Variants in SCIN observed in about 807,000 individuals in gnomAD.
The protein encoded by SCIN is adseverin.
A neutral mutation model predicts 91.8 loss-of-function variants in SCIN; 91 were observed. The observed-to-expected ratio is 0.99, with a 90% CI of 0.84 to 1.18. The LOEUF is 1.18. Among genes scored for constraint, SCIN ranks in the 50% most tolerant of loss-of-function variants. SCIN has a pLI of 0.00. For synonymous variants in SCIN, 367 were observed against 312.6 expected (o/e 1.17, Z -1.84); for missense variants, 1,087 against 863.9 (o/e 1.26, Z -3.24).
rs771279197 is a variant in SCIN, at chr7:12,653,934, T to C, written c.*1219T>C. Reference sequence around the variant, plus strand: ...ATTCTATTCTATTCTATTATTTCATTCTATTTTATTTCCAATATACCATTG... The same window carrying C: ...ATTCTATTCTATTCTATTATTTCATCCTATTTTATTTCCAATATACCATTG... On this transcript the variant is annotated 3_prime_UTR_variant, in exon 16 of 16. Coordinates refer to ENST00000297029, the MANE Select transcript of SCIN (RefSeq NM_001112706.3). The surrounding 1 kb of genome is among the most constrained non-coding windows in gnomAD (Gnocchi z 4.1). 3.9e-5 allele frequency: 6 copies of C among 152,172 alleles called. No homozygotes were observed. The highest frequency in any genetic ancestry group is 8.8e-5 in the Non-Finnish European group (6 of 68,020). The allele number at this position is 152,172 out of a possible 1,614,324, so 9.4% of individuals were successfully genotyped here. A position where few individuals can be genotyped will look rare whatever the true frequency, so the allele number is the denominator to read the frequency against.
chr7:12,582,243 G>A (rs968283865), intron 3 of SCIN, among the ~76,000 whole-genome samples: 3 of 152,090 alleles, frequency 2.0e-5, no homozygotes, highest in Non-Finnish European at 4.4e-5. Flanking sequence ...CATCTACTTG[G>A]GCAGTATTTT....
At chr7:12,571,387 G>C (rs1009474182) in intron 1 of SCIN, 1 of 333,278 alleles carries the variant, frequency 3.0e-6, no homozygotes, top group Non-Finnish European at 5.8e-6. Context: ...TTTCCCTGTC[G>C]GGATGGAGAG....
chr7:12,614,434 C>A (rs1783259087), intron 4 of SCIN, among the ~76,000 whole-genome samples: 1 of 152,124 alleles, frequency 6.6e-6, no homozygotes, highest in Non-Finnish European at 1.5e-5. Context: ...ACTCTTAAAA[C>A]CCTTACTGTG....
At chr7:12,571,978 T>A (rs570480918) in intron 1 of SCIN, among the ~76,000 whole-genome samples, 32 of 152,330 alleles carry the variant, frequency 2.1e-4, no homozygotes, top group Non-Finnish European at 3.5e-4. Context: ...GCCTGCCCAG[T>A]ACTCGTGTTT....
At chr7:12,611,463 C>A (rs1783189770) in intron 4 of SCIN, among the ~76,000 whole-genome samples, 1 of 152,080 alleles carries the variant, frequency 6.6e-6, no homozygotes, top group Non-Finnish European at 1.5e-5. Context: ...ACTAGACTTA[C>A]ATGGGTTTGT....
At chr7:12,622,716 C>T in intron 4 of SCIN, 85 bp from the exon 5 acceptor site, 1 of 896,320 alleles carries the variant, frequency 1.1e-6, no homozygotes, top group Non-Finnish European at 1.8e-6. Flanking sequence ...TTTTATAATC[C>T]ATGTCTTTAT....
At chr7:12,586,086 C>A (rs556971235) in intron 3 of SCIN, among the ~76,000 whole-genome samples, 1 of 152,310 alleles carries the variant, frequency 6.6e-6, no homozygotes, top group African/African-American at 2.4e-5. Context: ...TATCAGCCTT[C>A]CTCACTCACT....
chr7:12,641,685 A>G (rs1035428565), intron 11 of SCIN, among the ~76,000 whole-genome samples: 1 of 152,068 alleles, frequency 6.6e-6, no homozygotes, highest in Non-Finnish European at 1.5e-5. Flanking sequence ...CAGTCATCTA[A>G]TCTCTGACAA....
chr7:12,608,285 G>C (rs1017909749), intron 4 of SCIN, among the ~76,000 whole-genome samples: 3 of 151,284 alleles, frequency 2.0e-5, no homozygotes, highest in African/African-American at 7.3e-5. Context: ...GGTTTCAGAA[G>C]TGTTCCAAAC....
intron 3 of SCIN, among the ~76,000 whole-genome samples, chr7:12,597,938 A>G (rs941170418): frequency 1.3e-4 from 20 of 152,342 alleles, no homozygotes; most frequent in Admixed American, 1.2e-3. Flanking sequence ...CAAATTATTT[A>G]TAAATGGATA....
chr7:12,610,166 G>A (rs556363387), intron 4 of SCIN, among the ~76,000 whole-genome samples: 74 of 152,126 alleles, frequency 4.9e-4, no homozygotes, highest in Non-Finnish European at 2.9e-5. Context: ...AACTCCAAAG[G>A]TTCTCCCAAA....
At chr7:12,638,981 A>G (rs1783805622) in intron 10 of SCIN, among the ~76,000 whole-genome samples, 1 of 152,196 alleles carries the variant, frequency 6.6e-6, no homozygotes, top group African/African-American at 2.4e-5. Context: ...TTAATGAGTT[A>G]CCATGAATTG....
intron 4 of SCIN, among the ~76,000 whole-genome samples, chr7:12,606,710 A>G (rs948413757): frequency 6.6e-5 from 10 of 152,208 alleles, no homozygotes; most frequent in African/African-American, 2.2e-4. Flanking sequence ...TACCAGTATT[A>G]CATCTTGGGA....
intron 4 of SCIN, among the ~76,000 whole-genome samples, chr7:12,619,733 G>C (rs1458745789): frequency 2.0e-5 from 3 of 152,086 alleles, no homozygotes; most frequent in African/African-American, 7.2e-5. Context: ...AAATAAGGCA[G>C]GGTAGATGAC....
At chr7:12,591,345 T>G (rs754246744) in intron 3 of SCIN, among the ~76,000 whole-genome samples, 200 of 152,234 alleles carry the variant, frequency 1.3e-3, no homozygotes, top group Non-Finnish European at 7.2e-4. Context: ...ACGGTGGTAT[T>G]CTGGCTGAAA....
rs1583318211 is a variant in SCIN, at chr7:12,640,316, T to C, written c.1411-31T>C. ...CCTTCTTTCACAGCACTCTTAATTA[T>C]ATTTCTTTTATTCCCCCTCTCCCCC... On this transcript the variant is annotated intron_variant, in intron 10 of 15. Transcript: ENST00000297029. 3 of 1,510,370 alleles carry C rather than the reference T, an allele frequency of 2.0e-6. No homozygotes were observed. In the East Asian group the frequency reaches 7.3e-5, roughly 37 times the overall value. 93.6% of individuals were successfully genotyped at this position (1,510,370 alleles called of 1,614,324 possible). A position where few individuals can be genotyped will look rare whatever the true frequency, so the allele number is the denominator to read the frequency against.
chr7:12,598,993 ATTAAAGTTATTAT>A (rs1197869157), intron 3 of SCIN, among the ~76,000 whole-genome samples: 1 of 152,240 alleles, frequency 6.6e-6, no homozygotes, highest in African/African-American at 2.4e-5. Context: ...GCCATTTACA[ATTAAAGTTATTAT>A]TTTATTAAAT....
chr7:12,594,330 C>T (rs56131067), intron 3 of SCIN, among the ~76,000 whole-genome samples: 46,712 of 151,440 alleles, frequency 0.31, 7,977 homozygotes, highest in Middle Eastern at 0.39. Flanking sequence ...GGTGGGGTGA[C>T]GGGAGATGAG....
At chr7:12,639,529 A>G (rs1783816367) in intron 10 of SCIN, among the ~76,000 whole-genome samples, 1 of 152,190 alleles carries the variant, frequency 6.6e-6, no homozygotes. Context: ...ACAATGGGAG[A>G]CTGACATGAA....
Sources: allele counts gnomAD v4.1 joint callset (sites outside exome capture counted in the v4.1 genomes callset), GRCh38; gene constraint gnomAD v4.1.1; non-coding constraint Gnocchi (gnomAD v3.1); transcripts MANE v1.5; gene names NCBI Gene and HGNC (gene_info 2026-07-23, HGNC 2026-07-21).